The following ZNF254 variants were observed in gnomAD, a reference collection of about 807,000 sequenced individuals.
The protein encoded by ZNF254 is CTD-2017D11.1.
A neutral mutation model predicts 12.4 loss-of-function variants in ZNF254; 10 were observed. That is an observed-to-expected ratio of 0.80 (90% CI 0.50 to 1.36). The LOEUF (loss-of-function observed/expected upper bound fraction) is 1.36. Ranked by LOEUF, ZNF254 falls within the 40% of genes most tolerant of loss-of-function variation. The pLI is 0.00. For missense variants in ZNF254, 996 were observed against 763.9 expected, an observed-to-expected ratio of 1.30 and a Z score of -3.58; for synonymous variants, 305 against 253.4, an observed-to-expected ratio of 1.20 and a Z score of -1.93.
intron 2 of ZNF254, 166 bp downstream of exon 2, chr19:24,106,232 C>A: frequency 1.1e-6 from 1 of 949,660 alleles, no homozygotes; most frequent in Non-Finnish European, 1.5e-6. Flanking sequence ...TTGACCTGAA[C>A]TTTCCACATT....
chr19:24,122,282 T>A (rs1974534512), intron 3 of ZNF254, among the ~76,000 whole-genome samples: 1 of 152,156 alleles, frequency 6.6e-6, no homozygotes, highest in African/African-American at 2.4e-5. Flanking sequence ...TGAAGTGCAG[T>A]GGCACCATCT....
chr19:24,055,205 CAAAAAAAAAA>C (rs71167733), intron 2 of ZNF254, among the ~76,000 whole-genome samples: 5 of 28,314 alleles, frequency 1.8e-4, no homozygotes, highest in Non-Finnish European at 2.7e-4. Context: ...TCTGTCTCAC[CAAAAAAAAAA>C]AAAAAAAAAA....
intron 2 of ZNF254, among the ~76,000 whole-genome samples, chr19:24,058,564 C>T (rs1314914545): frequency 4.6e-5 from 7 of 152,046 alleles, no homozygotes; most frequent in South Asian, 2.1e-4. Context: ...TGCGCCACCA[C>T]GCCTGGCTAA....
chr19:24,111,933 T>A (rs919638325), intron 3 of ZNF254, among the ~76,000 whole-genome samples: 7 of 152,208 alleles, frequency 4.6e-5, no homozygotes, highest in Admixed American at 4.6e-4. Flanking sequence ...TCTTTTGCTG[T>A]GCAGAAGCTC....
At chr19:24,042,448 C>T (rs1036294426) in intron 1 of ZNF254, among the ~76,000 whole-genome samples, 2 of 152,204 alleles carry the variant, frequency 1.3e-5, no homozygotes, top group African/African-American at 2.4e-5. Flanking sequence ...TGCAGTAAAT[C>T]TTGCTACTGC....
intron 2 of ZNF254, chr19:24,049,624 T>G (rs1970569780): frequency 6.6e-6 from 1 of 152,094 alleles, no homozygotes; most frequent in Admixed American, 6.5e-5. Flanking sequence ...TGTACCCAGG[T>G]GGTGTGAATC....
rs1310222988 is a variant in ZNF254, at chr19:24,126,390, T to C, written c.390T>C (p.Asp130=). ...LQLRKGCKSV[D]EYKVNKEGYN... The stretch of plus-strand genomic sequence containing the variant: ...TAAGAAAAGGCTGTAAAAGTGTGGA[T>C]GAGTATAAGGTGAACAAAGAAGGTT... Residue 130 remains aspartate (D), a synonymous_variant, in exon 4 of 4, where the codon GAT becomes GAC. Coordinates refer to ENST00000357002, the MANE Select transcript of ZNF254 (RefSeq NM_203282.4). 2 of 1,609,976 alleles carry C rather than the reference T, an allele frequency of 1.2e-6. No individual in the cohort carries two copies. The highest frequency in any genetic ancestry group is 4.5e-5 in the East Asian group (2 of 44,824).
rs147995496 is a variant in ZNF254, at chr19:24,118,189, G to T, written c.254-8065G>T. Among the ~76,000 whole-genome samples the T allele has an allele frequency of 7.8e-3, 1,184 of 151,868 alleles. 14 individuals are homozygous for T. Among genetic ancestry groups the T allele is most frequent in the African/African-American group, 0.027 (1,111 of 41,458 alleles). Reference sequence around the variant, plus strand: ...CTGTCTCAGCCTCCTTAGTAACTGGGATTACAGGCACGTGCCACCACATCT... The same window carrying T: ...CTGTCTCAGCCTCCTTAGTAACTGGTATTACAGGCACGTGCCACCACATCT... On this transcript the variant is annotated intron_variant, in intron 3 of 3. Transcript: ENST00000357002.
chr19:24,124,780 T>C (rs1163564459), intron 3 of ZNF254, among the ~76,000 whole-genome samples: 4 of 151,524 alleles, frequency 2.6e-5, no homozygotes, highest in South Asian at 2.1e-4. Flanking sequence ...TTTCTTTTTT[T>C]TTTTTGGAAA....
chr19:24,088,362 T>C (rs1972158885), intron 1 of ZNF254, among the ~76,000 whole-genome samples: 1 of 152,062 alleles, frequency 6.6e-6, no homozygotes, highest in Admixed American at 6.6e-5. Context: ...TTTTTAGAAG[T>C]AGAAATCCGG....
intron 2 of ZNF254, among the ~76,000 whole-genome samples, chr19:24,072,286 C>G (rs1432459084): frequency 6.6e-6 from 1 of 151,966 alleles, no homozygotes; most frequent in African/African-American, 2.4e-5. Context: ...ATTCTCCTGC[C>G]TCAGCCTCCC....
intron 2 of ZNF254, among the ~76,000 whole-genome samples, chr19:24,076,388 T>C (rs1382484420): frequency 6.6e-6 from 1 of 152,208 alleles, no homozygotes; most frequent in African/African-American, 2.4e-5. Flanking sequence ...TCCTGCAACA[T>C]ATCTCTGCAT....
intron 1 of ZNF254, among the ~76,000 whole-genome samples, chr19:24,039,492 T>C (rs1005546526): frequency 6.6e-6 from 1 of 152,152 alleles, no homozygotes; most frequent in Non-Finnish European, 1.5e-5. Flanking sequence ...TGGCGTGACC[T>C]TGGCTCACTG....
chr19:24,046,843 T>TTTTCATC (rs1382430475), intron 2 of ZNF254, among the ~76,000 whole-genome samples: 1 of 151,862 alleles, frequency 6.6e-6, no homozygotes, highest in Non-Finnish European at 1.5e-5. Context: ...GGTTCTATTT[T>TTTTCATC]TTTCATCTTT....
chr19:24,083,815 A>G (rs1034603062), upstream of ZNF254, among the ~76,000 whole-genome samples: 1 of 152,206 alleles, frequency 6.6e-6, no homozygotes, highest in Non-Finnish European at 1.5e-5. Flanking sequence ...AAAAATGACC[A>G]TAATTAAAAC....
intron 1 of ZNF254, among the ~76,000 whole-genome samples, chr19:24,045,891 G>A (rs1970365902): frequency 6.6e-6 from 1 of 151,576 alleles, no homozygotes; most frequent in Admixed American, 6.6e-5. Context: ...GAATTTCAGA[G>A]TTTTGCTTTC....
intron 1 of ZNF254, among the ~76,000 whole-genome samples, chr19:24,038,640 G>A (rs984221441): frequency 5.3e-5 from 8 of 152,140 alleles, no homozygotes; most frequent in Non-Finnish European, 8.8e-5. Context: ...CATTCTGTAT[G>A]GACCAGTCAC....
In ZNF254 at chr19:24,046,373, T is replaced by TTATATATATATATATATATA. The variant is rs34508258; in HGVS notation, c.-94+102_-94+121dup. The TTATATATATATATATATATA allele has an allele frequency of 4.8e-3, 454 of 95,140 alleles. 3 individuals carry two copies. The highest frequency in any genetic ancestry group is 9.6e-3 in the South Asian group (28 of 2,922). The allele number at this position is 95,140 out of a possible 1,614,324, so 5.9% of individuals were successfully genotyped here. ...TTGTCTTCCATTATTTTATTATTTT[T>TTATATATATATATATATATA]TATATATATATATATATATATATAT... On this transcript the variant is annotated intron_variant, in intron 2 of 4. Coordinates refer to the ZNF254 transcript ENST00000613065.
intron 1 of ZNF254, among the ~76,000 whole-genome samples, chr19:24,090,200 A>T (rs1972288641): frequency 6.6e-6 from 1 of 152,032 alleles, no homozygotes; most frequent in South Asian, 2.1e-4. Flanking sequence ...TCCATTTCAA[A>T]AACAAAAACA....
Sources: allele counts gnomAD v4.1 joint callset (sites outside exome capture counted in the v4.1 genomes callset), GRCh38; gene constraint gnomAD v4.1.1; transcripts MANE v1.5; gene names NCBI Gene and HGNC (gene_info 2026-07-23, HGNC 2026-07-21).